POLD1: variants seen among roughly 807,000 people sequenced by gnomAD.
The protein encoded by POLD1 is DNA polymerase delta 1, catalytic subunit, also known as DNA polymerase delta catalytic subunit.
A neutral mutation model predicts 129.7 loss-of-function variants in POLD1; 79 were observed. That is an observed-to-expected ratio of 0.61 (90% CI 0.51 to 0.73). The LOEUF is 0.73. POLD1 is among the 30% of genes least tolerant of loss of function. POLD1 has a pLI of 0.00. For missense variants in POLD1, 1,338 were observed against 1,595.8 expected, an observed-to-expected ratio of 0.84 and a Z score of 2.75; for synonymous variants, 714 against 683.3, an observed-to-expected ratio of 1.04 and a Z score of -0.70.
chr19:50,406,082 G>T lies in POLD1; in HGVS notation c.1243-100G>T, dbSNP rs1330334540. The T allele has an allele frequency of 1.5e-5, 21 of 1,447,952 alleles. No individual in the cohort carries two copies. The East Asian group carries it at 4.8e-4, about 33-fold the overall frequency. 89.7% of individuals were successfully genotyped at this position (1,447,952 alleles called of 1,614,324 possible). A position where few individuals can be genotyped will look rare whatever the true frequency, so the allele number is the denominator to read the frequency against. ...CCCCAGGGTTGCTCTCGACCCCCTA[G>T]GGTTGTTATAAGGATGTTGTGGTTG... On this transcript the variant is annotated intron_variant, in intron 10 of 26. Coordinates refer to ENST00000440232, the MANE Select transcript of POLD1 (RefSeq NM_002691.4). This position sits in a 1 kb window ranked among gnomAD's most constrained non-coding sequence, Gnocchi z 5.5.
intron 19 of POLD1, 141 bp downstream of exon 19, chr19:50,414,020 G>A (rs1182634151): frequency 1.1e-6 from 1 of 892,526 alleles, no homozygotes; most frequent in Non-Finnish European, 1.6e-6. Flanking sequence ...CTTGGTTTGG[G>A]AAGCCTCCAA....
rs138905500 is a variant in POLD1, at chr19:50,394,744, C to T, written c.-1-4107C>T. On this transcript the variant is annotated intron_variant, in intron 1 of 26. Coordinates refer to ENST00000440232, the MANE Select transcript of POLD1 (RefSeq NM_002691.4). Reference sequence around the variant, plus strand: ...CAGGGATAGACAGCTGACCTGCTCACCTGCCTCTTCCCAGCCGCATCTAGG... The same window carrying T: ...CAGGGATAGACAGCTGACCTGCTCATCTGCCTCTTCCCAGCCGCATCTAGG... 1.6e-3 allele frequency among the ~76,000 whole-genome samples: 238 copies of T among 152,278 alleles called. 1 individual carries two copies. Among genetic ancestry groups the T allele is most frequent in the African/African-American group, 5.2e-3 (216 of 41,556 alleles).
At chr19:50,403,684 AT>A in intron 10 of POLD1, 87 bp downstream of exon 10, 1 of 858,706 alleles carries the variant, frequency 1.2e-6, no homozygotes, top group Middle Eastern at 2.2e-4. Context: ...CCCTCTCCAC[AT>A]GGCTTGGTGC....
chr19:50,415,543 G>C lies in POLD1; in HGVS notation c.2670G>C (p.Ala890=). 2 of 1,612,878 alleles carry C rather than the reference G, an allele frequency of 1.2e-6. No homozygotes were observed. Among genetic ancestry groups the C allele is most frequent in the Non-Finnish European group, 1.7e-6 (2 of 1,179,660 alleles). The part of the protein sequence containing the change: ...QLVITKELTR[A]ASDYAGKQAH... ...TCATCACCAAGGAGCTGACCCGCGCGGCCTCCGACTATGCCGGCAAGCAGG... is the reference window on the plus strand; with the variant it reads ...TCATCACCAAGGAGCTGACCCGCGCCGCCTCCGACTATGCCGGCAAGCAGG... The change falls in exon 21 of 27, where the codon GCG becomes GCC. Residue 890 remains alanine (A), a synonymous_variant. Transcript: ENST00000440232.
Position 50,406,508 on chromosome 19 carries a change from C to G in POLD1, c.1485C>G (p.Thr495=). ...AGGACGTGCAGCACAGCATCATCAC[C>G]GACCTGCAGGTGCCTGCTGCCTCCC... ...QKEDVQHSII[T]DLQNGNDQTR... Residue 495 remains threonine (T), a synonymous_variant, in exon 12 of 27, where the codon ACC becomes ACG. Transcript: ENST00000440232. This position sits in a 1 kb window ranked among gnomAD's most constrained non-coding sequence, Gnocchi z 5.5. 1 of 1,581,024 alleles carries G rather than the reference C, an allele frequency of 6.3e-7. No homozygotes were observed. Among genetic ancestry groups the G allele is most frequent in the East Asian group, 2.3e-5 (1 of 43,170 alleles).
rs2038862980 is a variant in POLD1 at position 50,406,021 on chromosome 19, C to T, written c.1243-161C>T. 6.6e-6 allele frequency among the ~76,000 whole-genome samples: 1 copy of T among 152,164 alleles called. No homozygotes were observed. Among genetic ancestry groups the T allele is most frequent in the African/African-American group, 2.4e-5 (1 of 41,428 alleles). ...TACTCCGGACTCCCTCCCCAGTCTCCAGCCACCCACACCCAGCCCCAGACC... is the reference window on the plus strand; with the variant it reads ...TACTCCGGACTCCCTCCCCAGTCTCTAGCCACCCACACCCAGCCCCAGACC... On this transcript the variant is annotated intron_variant, in intron 10 of 26. Transcript: ENST00000440232. This position sits in a 1 kb window ranked among gnomAD's most constrained non-coding sequence, Gnocchi z 5.5.
At chr19:50,394,221 T>C (rs745667740) in intron 1 of POLD1, among the ~76,000 whole-genome samples, 22 of 152,166 alleles carry the variant, frequency 1.4e-4, no homozygotes, top group Non-Finnish European at 2.5e-4. Context: ...GCACACCTCA[T>C]GATCACTCTC....
chr19:50,406,943 C>T lies in POLD1; in HGVS notation c.1495-40C>T. On this transcript the variant is annotated intron_variant, in intron 12 of 26. Transcript: ENST00000440232. The surrounding 1 kb of genome is among the most constrained non-coding windows in gnomAD (Gnocchi z 5.5). ...CCTTCTCCTGCTCCACCTCCCACCC[C>T]CAACCCCTGGTCCCTGACCCCATCC... 6.7e-7 allele frequency: 1 copy of T among 1,495,054 alleles called. No individual in the cohort carries two copies. The highest frequency in any genetic ancestry group is 1.3e-5 in the South Asian group (1 of 79,986). The allele number at this position is 1,495,054 out of a possible 1,614,324, so 92.6% of individuals were successfully genotyped here. A position where few individuals can be genotyped will look rare whatever the true frequency, so the allele number is the denominator to read the frequency against.
At chr19:50,396,471 A>G (rs2038370915) in intron 1 of POLD1, among the ~76,000 whole-genome samples, 1 of 145,560 alleles carries the variant, frequency 6.9e-6, no homozygotes, top group Non-Finnish European at 1.5e-5. Flanking sequence ...CACCCCCAAA[A>G]TAATAATATA....
chr19:50,397,790 T>C (rs775002723), intron 1 of POLD1, among the ~76,000 whole-genome samples: 13 of 152,214 alleles, frequency 8.5e-5, no homozygotes, highest in Non-Finnish European at 1.5e-4. Context: ...TTTTGTTTGC[T>C]ACTGTGGGTC....
chr19:50,405,162 C>T (rs1156827810), intron 10 of POLD1, among the ~76,000 whole-genome samples: 2 of 152,202 alleles, frequency 1.3e-5, no homozygotes, highest in Non-Finnish European at 2.9e-5. Flanking sequence ...CTGCCCACCT[C>T]AGCCTCTCAA....
chr19:50,401,252 T>C (rs1471077598), intron 3 of POLD1, among the ~76,000 whole-genome samples: 1 of 147,160 alleles, frequency 6.8e-6, no homozygotes, highest in Non-Finnish European at 1.5e-5. Context: ...TATATATATA[T>C]GATATATTCT....
chr19:50,385,921 T>G (rs746783958), intron 1 of POLD1, among the ~76,000 whole-genome samples: 9 of 152,028 alleles, frequency 5.9e-5, no homozygotes, highest in South Asian at 2.1e-4. Context: ...CCCTCTCTTA[T>G]GTGTTTCTGA....
rs780604625 is a variant in POLD1 at position 50,401,814 on chromosome 19, C to T, written c.353C>T (p.Ser118Phe). 127 of 1,613,418 alleles carry T rather than the reference C, an allele frequency of 7.9e-5. No individual in the cohort carries two copies. The highest frequency in any genetic ancestry group is 4.3e-4 in the Admixed American group (26 of 59,990). The part of the protein sequence containing the change: ...AQPVPGGPPP[S>F]RGSVPVLRAF... Reference sequence around the variant, plus strand: ...CCTGTGCCTGGGGGGCCCCCACCATCCCGCGGCTCCGTGCCTGTGCTCCGC... The same window carrying T: ...CCTGTGCCTGGGGGGCCCCCACCATTCCGCGGCTCCGTGCCTGTGCTCCGC... The change falls in exon 4 of 27, where the codon TCC (serine) becomes TTC (phenylalanine). Residue 118 changes from serine (S) to phenylalanine (F), a missense_variant. Physicochemically the swap from Ser to Phe is radical, Grantham distance 155. Transcript: ENST00000440232.
At chr19:50,405,692 C>T (rs1482792459) in intron 10 of POLD1, among the ~76,000 whole-genome samples, 1 of 152,146 alleles carries the variant, frequency 6.6e-6, no homozygotes, top group Admixed American at 6.5e-5. Context: ...CCTGGGTGTC[C>T]CTCACCCTCT....
chr19:50,403,073 C>T lies in POLD1; in HGVS notation c.991C>T (p.Arg331Trp), dbSNP rs370734242. 9.0e-6 allele frequency: 14 copies of T among 1,562,002 alleles called. No homozygotes were observed. Among genetic ancestry groups the T allele is most frequent in the South Asian group, 3.5e-5 (3 of 84,956 alleles). The change falls in exon 9 of 27, where the codon CGG (arginine) becomes TGG (tryptophan). Residue 331 changes from arginine to tryptophan, a missense_variant. Around this residue, in one of 3 missense-constraint regions of POLD1, gnomAD observed 720 missense variants for 1,002.6 expected, o/e 0.72. Coordinates refer to ENST00000440232, the MANE Select transcript of POLD1 (RefSeq NM_002691.4). ...GRKGIFPEPE[R>W]DPVIQICSLG... The stretch of plus-strand genomic sequence containing the variant: ...CGCAGGCATCTTCCCTGAGCCTGAG[C>T]GGGACCCTGTCATCCAGATCTGCTC...
At position 50,417,937 on chromosome 19, in the gene POLD1, A is replaced by T. The variant is rs1256482040; in HGVS notation, c.3314A>T (p.Glu1105Val). 1.9e-6 allele frequency: 3 copies of T among 1,599,266 alleles called. No individual in the cohort carries two copies. The highest frequency in any genetic ancestry group is 2.6e-6 in the Non-Finnish European group (3 of 1,168,916). ...CGGCGCTTCGGACCCCCTGGACCTG[A>T]GGCCTGGTGACCTTGCAAGCATCCC... is the stretch of plus-strand genomic sequence containing the variant. ...LLRRFGPPGP[E>V]AW The change falls in exon 27 of 27, where the codon GAG (glutamate) becomes GTG (valine). Residue 1105 changes from glutamate (E) to valine (V), a missense_variant. This residue lies in a region of POLD1 where 286 missense variants were observed against 277.5 expected (regional missense o/e 1.03). Coordinates refer to ENST00000440232, the MANE Select transcript of POLD1 (RefSeq NM_002691.4).
chr19:50,400,133 ATTTTTT>A (rs71182715), intron 3 of POLD1, among the ~76,000 whole-genome samples: 23 of 48,156 alleles, frequency 4.8e-4, no homozygotes, highest in South Asian at 3.0e-3. Context: ...TTTTTAAAAG[ATTTTTT>A]TTTTTTTTTT....
chr19:50,417,364 T>C, intron 26 of POLD1, 95 bp downstream of exon 26: 1 of 759,528 alleles, frequency 1.3e-6, no homozygotes, highest in East Asian at 2.7e-5. Context: ...AGGCCTCTCC[T>C]GAGCATCCTC....
Sources: gnomAD v4.1 joint callset for allele counts (sites outside exome capture counted in the v4.1 genomes callset) on GRCh38, gnomAD v4.1.1 for gene constraint, gnomAD v4.1.1 regional missense constraint, Gnocchi (gnomAD v3.1) non-coding constraint, MANE v1.5 for transcripts, NCBI Gene and HGNC (gene_info 2026-07-23, HGNC 2026-07-21) for gene names.